RGS6: variants seen among roughly 807,000 people sequenced by gnomAD.
RGS6 encodes regulator of G-protein signaling 6.
A neutral mutation model predicts 78.5 loss-of-function variants in RGS6; 30 were observed. The observed-to-expected ratio is 0.38, with a 90% confidence interval of 0.29 to 0.52. The LOEUF (loss-of-function observed/expected upper bound fraction) is 0.52, where lower values mean the gene tolerates loss of function less well. Among genes scored for constraint, RGS6 ranks in the 20% least tolerant of loss-of-function variants. RGS6 has a pLI of 0.85. For synonymous variants in RGS6, 206 were observed against 206.0 expected (o/e 1.00, Z 0.00); for missense variants, 495 against 609.7 (o/e 0.81, Z 1.98).
chr14:72,260,538 A>C (rs969499629), intron 2 of RGS6, among the ~76,000 whole-genome samples: 1 of 152,208 alleles, frequency 6.6e-6, no homozygotes, highest in Admixed American at 6.5e-5. Flanking sequence ...GGGTTATCTC[A>C]GTGAAGAGCC....
At chr14:72,301,925 T>TG (rs2066155939) in intron 2 of RGS6, among the ~76,000 whole-genome samples, 1 of 152,158 alleles carries the variant, frequency 6.6e-6, no homozygotes, top group Admixed American at 6.5e-5. Context: ...TTTGAAGCAC[T>TG]GGGGGTGGGG....
intron 3 of RGS6, among the ~76,000 whole-genome samples, chr14:72,394,478 C>T (rs2090716315): frequency 6.6e-6 from 1 of 152,158 alleles, no homozygotes; most frequent in Admixed American, 6.5e-5. Context: ...GACAGACATT[C>T]CTAGAGCGGC....
chr14:71,984,225 G>T (rs1397589970), intron 2 of RGS6, among the ~76,000 whole-genome samples: 1 of 151,042 alleles, frequency 6.6e-6, no homozygotes, highest in Non-Finnish European at 1.5e-5. Context: ...GTATTAAGTG[G>T]TGCTATCAGA....
At chr14:72,490,354 A>T (rs1019748887) in intron 12 of RGS6, among the ~76,000 whole-genome samples, 1 of 152,222 alleles carries the variant, frequency 6.6e-6, no homozygotes, top group Non-Finnish European at 1.5e-5. Flanking sequence ...CTGTAAGTCC[A>T]TTAAACCTCT....
At chr14:72,117,434 C>G (rs528440320) in intron 2 of RGS6, among the ~76,000 whole-genome samples, 109 of 152,214 alleles carry the variant, frequency 7.2e-4, no homozygotes, top group African/African-American at 2.2e-3. Context: ...TTGGCTCCCC[C>G]CCACCCTTCA....
At chr14:72,050,131 G>T (rs184196977) in intron 2 of RGS6, among the ~76,000 whole-genome samples, 1 of 152,224 alleles carries the variant, frequency 6.6e-6, no homozygotes, top group African/African-American at 2.4e-5. Flanking sequence ...AATTTAATAT[G>T]AGGTAAACTG....
chr14:72,173,178 G>C (rs72719863), intron 2 of RGS6, among the ~76,000 whole-genome samples: 452 of 152,102 alleles, frequency 3.0e-3, no homozygotes, highest in Non-Finnish European at 4.5e-3. Flanking sequence ...GACGTTTTTG[G>C]TGGTTATGCT....
At chr14:72,187,149 A>G (rs1248926952) in intron 2 of RGS6, among the ~76,000 whole-genome samples, 4 of 152,246 alleles carry the variant, frequency 2.6e-5, no homozygotes, top group Non-Finnish European at 4.4e-5. Context: ...TCTGATTCAA[A>G]TAGATGCATT....
At chr14:72,137,697 T>C (rs752864030) in intron 2 of RGS6, among the ~76,000 whole-genome samples, 35 of 152,360 alleles carry the variant, frequency 2.3e-4, no homozygotes, top group Non-Finnish European at 3.2e-4. Context: ...GAACATGGTT[T>C]GGAAGCATCC....
chr14:72,055,688 G>T (rs1016093454), intron 2 of RGS6, among the ~76,000 whole-genome samples: 14 of 152,088 alleles, frequency 9.2e-5, no homozygotes, highest in Middle Eastern at 3.4e-3. Flanking sequence ...TGATTCTAAC[G>T]TGCAGTCAAG....
At chr14:72,398,530 G>C (rs565930837) in intron 3 of RGS6, among the ~76,000 whole-genome samples, 33 of 152,130 alleles carry the variant, frequency 2.2e-4, no homozygotes, top group Admixed American at 3.3e-4. Context: ...TTTTTGAAGA[G>C]TTTTTTGTGT....
chr14:72,497,923 G>A (rs2096666855), intron 13 of RGS6, among the ~76,000 whole-genome samples: 1 of 151,948 alleles, frequency 6.6e-6, no homozygotes, highest in Non-Finnish European at 1.5e-5. Flanking sequence ...CTCTGGGATG[G>A]AGTTGCTACA....
chr14:72,086,396 C>G (rs993385907), intron 2 of RGS6, among the ~76,000 whole-genome samples: 12 of 152,332 alleles, frequency 7.9e-5, no homozygotes, highest in Middle Eastern at 3.4e-3. Context: ...GACTCTTGAC[C>G]TCCAAAAGAA....
Position 72,338,031 on chromosome 14 carries a change from C to T in RGS6, c.85-14064C>T, listed in dbSNP as rs140456949. On this transcript the variant is annotated intron_variant, in intron 2 of 17. Transcript: ENST00000553525. ...CAAAGAATTTGGAAGTTTAAAAACA[C>T]CTTTGCCTGAGCCTGCATAGCTTAT... is the stretch of plus-strand genomic sequence containing the variant. 1.7e-4 allele frequency among the ~76,000 whole-genome samples: 26 copies of T among 152,322 alleles called. No homozygotes were observed. In the Middle Eastern group the frequency reaches 0.01, roughly 60 times the overall value.
chr14:72,250,908 G>T (rs962904949), intron 2 of RGS6, among the ~76,000 whole-genome samples: 1 of 152,144 alleles, frequency 6.6e-6, no homozygotes, highest in African/African-American at 2.4e-5. Context: ...GAAATGAACT[G>T]ATGAGAGAGA....
At chr14:71,990,319 A>T (rs1413645697) in intron 2 of RGS6, among the ~76,000 whole-genome samples, 1 of 152,162 alleles carries the variant, frequency 6.6e-6, no homozygotes, top group Non-Finnish European at 1.5e-5. Context: ...GCAAGCCCCA[A>T]TCCAAACCAA....
chr14:72,051,740 A>G (rs1017237040), intron 2 of RGS6, among the ~76,000 whole-genome samples: 3 of 152,192 alleles, frequency 2.0e-5, no homozygotes, highest in African/African-American at 7.2e-5. Flanking sequence ...AGATAAATGT[A>G]TTATCAGGAG....
intron 17 of RGS6, among the ~76,000 whole-genome samples, chr14:72,553,940 G>A (rs1465570840): frequency 6.6e-6 from 1 of 152,240 alleles, no homozygotes; most frequent in African/African-American, 2.4e-5. Context: ...CGTGAAAAGA[G>A]CCTGTAGGGA....
At chr14:72,512,737 A>G (rs2096893862) in intron 14 of RGS6, among the ~76,000 whole-genome samples, 1 of 152,224 alleles carries the variant, frequency 6.6e-6, no homozygotes. Flanking sequence ...GGTGAGAGAG[A>G]AGCTCAGTCG....
Sources: allele counts gnomAD v4.1 joint callset (sites outside exome capture counted in the v4.1 genomes callset), GRCh38; gene constraint gnomAD v4.1.1; transcripts MANE v1.5; gene names NCBI Gene and HGNC (gene_info 2026-07-23, HGNC 2026-07-21).